Variants in NUP98 observed in about 807,000 individuals in gnomAD.
The protein encoded by NUP98 is nucleoporin 98 and 96 precursor.
Under a neutral mutation model 191.9 loss-of-function variants are expected in NUP98, and 26 were observed. The ratio of observed to expected loss-of-function variants is 0.14; its 90% CI spans 0.10 to 0.19. The LOEUF (loss-of-function observed/expected upper bound fraction) is 0.19. NUP98 is among the 10% of genes least tolerant of loss of function. The pLI, the probability that NUP98 is intolerant of heterozygous loss-of-function variation, is 1.00. For synonymous variants in NUP98, 808 were observed against 778.4 expected (o/e 1.04, Z -0.63); for missense variants, 1,941 against 2,178.8 (o/e 0.89, Z 2.17).
At chr11:3,779,875 C>T (rs1229512474) in intron 2 of NUP98, among the ~76,000 whole-genome samples, 1 of 151,982 alleles carries the variant, frequency 6.6e-6, no homozygotes. Context: ...CACCTGTAAT[C>T]CCAGCACTTT....
intron 31 of NUP98, 141 bp downstream of exon 31, chr11:3,679,413 G>A (rs766949579): frequency 1.3e-5 from 13 of 977,792 alleles, no homozygotes; most frequent in Non-Finnish European, 2.0e-5. Flanking sequence ...TATATCAAAT[G>A]AGCCTCAGCA....
chr11:3,780,373 A>T (rs868067875), intron 2 of NUP98, among the ~76,000 whole-genome samples: 152 of 130,270 alleles, frequency 1.2e-3, no homozygotes, highest in African/African-American at 4.3e-3. Flanking sequence ...CACTTAAAAT[A>T]AAAAAAAAAA....
At chr11:3,744,733 A>G in intron 11 of NUP98, 84 bp from the exon 12 acceptor site, 5 of 1,450,494 alleles carry the variant, frequency 3.4e-6, no homozygotes, top group Non-Finnish European at 4.6e-6. Context: ...AAAATATAAT[A>G]CATTTGGAAA....
intron 1 of NUP98, among the ~76,000 whole-genome samples, chr11:3,782,786 T>A (rs961784063): frequency 1.3e-5 from 2 of 152,004 alleles, no homozygotes; most frequent in Admixed American, 1.3e-4. Flanking sequence ...GATCGAGTGA[T>A]CCACCCACCT....
At chr11:3,759,812 T>C (rs1039750120) in intron 10 of NUP98, among the ~76,000 whole-genome samples, 10 of 151,356 alleles carry the variant, frequency 6.6e-5, no homozygotes, top group Admixed American at 6.6e-4. Context: ...ATCAGAAAGG[T>C]TTCAACTTTC....
chr11:3,701,724 T>C (rs2078685970), intron 23 of NUP98, among the ~76,000 whole-genome samples: 2 of 151,430 alleles, frequency 1.3e-5, no homozygotes, highest in Admixed American at 1.3e-4. Flanking sequence ...CTCATTCAGT[T>C]GCCCAGGCTA....
chr11:3,696,934 A>C (rs1193686098), intron 25 of NUP98: 1 of 152,210 alleles, frequency 6.6e-6, no homozygotes, highest in Non-Finnish European at 1.5e-5. Flanking sequence ...AATAAACAGG[A>C]AGAAAGTGGA....
intron 17 of NUP98, 63 bp downstream of exon 17, chr11:3,720,649 C>T: frequency 1.2e-6 from 1 of 850,874 alleles, no homozygotes; most frequent in Admixed American, 2.2e-5. Flanking sequence ...AAAAGCTTCC[C>T]CTAATTACAA....
intron 31 of NUP98, 78 bp from the exon 32 acceptor site, chr11:3,676,698 A>C: frequency 1.8e-6 from 2 of 1,122,100 alleles, no homozygotes; most frequent in Non-Finnish European, 2.7e-6. Flanking sequence ...TCTACACAAA[A>C]CCTTGAAACA....
intron 13 of NUP98, among the ~76,000 whole-genome samples, chr11:3,733,133 C>T (rs759011203): frequency 1.1e-4 from 17 of 152,112 alleles, no homozygotes; most frequent in Non-Finnish European, 2.1e-4. Flanking sequence ...CAACCATCAC[C>T]ACTATCTGAT....
At chr11:3,706,669 A>C (rs1317256201) in intron 20 of NUP98, 42 bp from the exon 21 acceptor site, 1 of 1,527,602 alleles carries the variant, frequency 6.5e-7, no homozygotes, top group Non-Finnish European at 9.0e-7. Context: ...ATTAAATTAT[A>C]CCAAACAGAA....
chr11:3,710,530 C>T (rs984759244), intron 20 of NUP98, among the ~76,000 whole-genome samples: 2 of 152,064 alleles, frequency 1.3e-5, no homozygotes, highest in Admixed American at 1.3e-4. Context: ...CCTAAAGAAA[C>T]AGGCCTCTCT....
intron 30 of NUP98, among the ~76,000 whole-genome samples, chr11:3,680,865 T>A (rs1003978762): frequency 3.3e-5 from 5 of 152,002 alleles, no homozygotes; most frequent in Admixed American, 2.6e-4. Flanking sequence ...TTCTTTTTTG[T>A]TTTTCTTTTC....
intron 1 of NUP98, among the ~76,000 whole-genome samples, chr11:3,794,685 C>T (rs1446365475): frequency 6.6e-6 from 1 of 152,192 alleles, no homozygotes; most frequent in African/African-American, 2.4e-5. Flanking sequence ...GGTGCAATCA[C>T]AGCACTGCAG....
intron 1 of NUP98, among the ~76,000 whole-genome samples, chr11:3,789,497 A>C (rs1341438852): frequency 1.7e-5 from 2 of 117,404 alleles, no homozygotes; most frequent in Admixed American, 8.7e-5. Flanking sequence ...TCATTTACCT[A>C]TTTCTTTTTT....
intron 8 of NUP98, among the ~76,000 whole-genome samples, chr11:3,763,464 T>C (rs1003448800): frequency 1.3e-5 from 2 of 152,174 alleles, no homozygotes. Context: ...AACTAATCAG[T>C]ATCAAGCTGG....
At chr11:3,734,816 C>A (rs1469305541) in intron 13 of NUP98, among the ~76,000 whole-genome samples, 1 of 152,094 alleles carries the variant, frequency 6.6e-6, no homozygotes, top group Non-Finnish European at 1.5e-5. Flanking sequence ...CCTGTAATCC[C>A]AGCACGTTGG....
At chr11:3,705,045 A>T (rs775036248) in intron 22 of NUP98, among the ~76,000 whole-genome samples, 155 bp downstream of exon 22, 1 of 152,192 alleles carries the variant, frequency 6.6e-6, no homozygotes, top group African/African-American at 2.4e-5. Context: ...ATGAATACTT[A>T]TAAGTACAAT....
At chr11:3,758,474 T>C (rs2081054909) in intron 10 of NUP98, among the ~76,000 whole-genome samples, 1 of 151,882 alleles carries the variant, frequency 6.6e-6, no homozygotes, top group Admixed American at 6.6e-5. Context: ...TATCTTTCCA[T>C]TTTAATTTTA....
Sources: allele counts gnomAD v4.1 joint callset (sites outside exome capture counted in the v4.1 genomes callset), GRCh38; gene constraint gnomAD v4.1.1; transcripts MANE v1.5; gene names NCBI Gene and HGNC (gene_info 2026-07-23, HGNC 2026-07-21).